The following ACSS2 variants were observed in gnomAD, a reference collection of about 807,000 sequenced individuals.
The protein encoded by ACSS2 is acetyl-coenzyme A synthetase, cytoplasmic.
ACSS2 carries 58 observed loss-of-function variants against 90.6 expected under a neutral mutation model. The observed-to-expected ratio is 0.64, with a 90% confidence interval of 0.52 to 0.80. The LOEUF is 0.80. Among genes scored for constraint, ACSS2 ranks in the 30% least tolerant of loss-of-function variants. The pLI is 0.00. For missense variants in ACSS2, 759 were observed against 912.0 expected, an observed-to-expected ratio of 0.83 and a Z score of 2.16; for synonymous variants, 300 against 330.9, an observed-to-expected ratio of 0.91 and a Z score of 1.01.
At chr20:34,917,812 G>T (rs1461988757) in intron 7 of ACSS2, among the ~76,000 whole-genome samples, 1 of 151,374 alleles carries the variant, frequency 6.6e-6, no homozygotes, top group Non-Finnish European at 1.5e-5. Context: ...AAGTACAGTG[G>T]TACGATCTCG....
intron 2 of ACSS2, among the ~76,000 whole-genome samples, chr20:34,899,466 C>CCTTCCTTCCTTCCTTCCTTT (rs1601322201): frequency 7.3e-6 from 1 of 136,288 alleles, no homozygotes; most frequent in African/African-American, 2.7e-5. Flanking sequence ...TTCCTTCCTT[C>CCTTCCTTCCTTCCTTCCTTT]CTTTCTTTTT....
intron 2 of ACSS2, among the ~76,000 whole-genome samples, chr20:34,894,936 T>C (rs188344768): frequency 1.3e-5 from 2 of 152,296 alleles, no homozygotes; most frequent in East Asian, 1.9e-4. Flanking sequence ...AGGATGTCGT[T>C]AGAAATCCAG....
At chr20:34,886,749 G>A (rs1021547096) in intron 2 of ACSS2, among the ~76,000 whole-genome samples, 2 of 152,056 alleles carry the variant, frequency 1.3e-5, no homozygotes, top group South Asian at 4.1e-4. Context: ...TCCTCCCAAA[G>A]TTCTCCCTCT....
intron 2 of ACSS2, among the ~76,000 whole-genome samples, chr20:34,887,473 C>T (rs1368294849): frequency 6.6e-6 from 1 of 152,254 alleles, no homozygotes; most frequent in Non-Finnish European, 1.5e-5. Flanking sequence ...GGCACAATGG[C>T]TCATGCCTGT....
In ACSS2 at chr20:34,923,017, T is replaced by C. The variant is rs148843221; in HGVS notation, c.1549-306T>C. 9.8e-4 allele frequency: 236 copies of C among 240,140 alleles called. 3 individuals are homozygous for C. The highest frequency in any genetic ancestry group is 5.2e-3 in the Admixed American group (109 of 20,862). The allele number at this position is 240,140 out of a possible 1,614,324, so 14.9% of individuals were successfully genotyped here. A position where few individuals can be genotyped will look rare whatever the true frequency, so the allele number is the denominator to read the frequency against. ...GAGACACAAATTTACTAAACACTTA[T>C]CAATAATAGAACACCGTGCTAGGCA... is the stretch of plus-strand genomic sequence containing the variant. On this transcript the variant is annotated intron_variant, in intron 13 of 17. Coordinates refer to ENST00000360596, the MANE Select transcript of ACSS2 (RefSeq NM_018677.4).
At chr20:34,883,081 T>G (rs2080105392) in intron 2 of ACSS2, 92 bp downstream of exon 2, 1 of 959,004 alleles carries the variant, frequency 1.0e-6, no homozygotes, top group Non-Finnish European at 1.5e-6. Context: ...GTCATCAACT[T>G]AATGCCTCAG....
intron 2 of ACSS2, among the ~76,000 whole-genome samples, chr20:34,892,748 A>C (rs2080364951): frequency 6.6e-6 from 1 of 152,180 alleles, no homozygotes; most frequent in African/African-American, 2.4e-5. Context: ...AGCGGTGCTG[A>C]TCTGGTTGGA....
intron 2 of ACSS2, among the ~76,000 whole-genome samples, 190 bp downstream of exon 2, chr20:34,883,179 T>A (rs1206667789): frequency 6.6e-6 from 1 of 152,186 alleles, no homozygotes; most frequent in Non-Finnish European, 1.5e-5. Context: ...AAGCCAAGTG[T>A]CCTGACTTCT....
chr20:34,913,732 A>G, intron 4 of ACSS2, 21 bp from the exon 5 acceptor site: 1 of 1,611,622 alleles, frequency 6.2e-7, no homozygotes, highest in Non-Finnish European at 8.5e-7. Context: ...TCTCTCCCTC[A>G]GACTTTCTTC....
upstream of ACSS2, chr20:34,875,064 T>A (rs752743440): frequency 1.9e-6 from 1 of 534,678 alleles, no homozygotes; most frequent in Non-Finnish European, 3.8e-6. Context: ...GTTAGATATT[T>A]AAGAATCCTT....
At chr20:34,921,957 T>C in intron 13 of ACSS2, 91 bp downstream of exon 13, 1 of 1,527,372 alleles carries the variant, frequency 6.5e-7, no homozygotes. Context: ...TAATCTCTCC[T>C]GGTAGCTGCT....
chr20:34,895,059 T>G (rs1017318284), intron 2 of ACSS2, among the ~76,000 whole-genome samples: 22 of 152,290 alleles, frequency 1.4e-4, no homozygotes, highest in Middle Eastern at 3.4e-3. Flanking sequence ...AGGGACAAAG[T>G]ACCATTGAAA....
chr20:34,891,026 C>A (rs373123334), intron 2 of ACSS2, among the ~76,000 whole-genome samples: 1 of 151,304 alleles, frequency 6.6e-6, no homozygotes, highest in East Asian at 1.9e-4. Flanking sequence ...AATTTAGAGT[C>A]CCTGGACATG....
intron 7 of ACSS2, among the ~76,000 whole-genome samples, chr20:34,917,478 C>T (rs555494195): frequency 1.1e-3 from 165 of 152,180 alleles, no homozygotes; most frequent in Non-Finnish European, 1.6e-3. Flanking sequence ...ACAGAAAGAA[C>T]GGAGTGGTTA....
At chr20:34,915,408 G>C (rs887137430) in intron 7 of ACSS2, among the ~76,000 whole-genome samples, 5 of 152,136 alleles carry the variant, frequency 3.3e-5, no homozygotes, top group Non-Finnish European at 7.3e-5. Flanking sequence ...GCCACTGAAG[G>C]GTGGTGAAAT....
chr20:34,891,860 T>C (rs141894127), intron 2 of ACSS2, among the ~76,000 whole-genome samples: 97 of 152,308 alleles, frequency 6.4e-4, no homozygotes, highest in African/African-American at 2.1e-3. Context: ...TTTTTGGAAG[T>C]AGGTGGCATA....
intron 2 of ACSS2, among the ~76,000 whole-genome samples, chr20:34,883,679 T>C (rs932718012): frequency 6.6e-6 from 1 of 152,214 alleles, no homozygotes; most frequent in African/African-American, 2.4e-5. Context: ...TGAAGGGTTA[T>C]GTAGTGAATA....
chr20:34,919,723 C>T, intron 8 of ACSS2, 151 bp downstream of exon 8: 1 of 1,234,296 alleles, frequency 8.1e-7, no homozygotes, highest in South Asian at 1.5e-5. Context: ...TTTTCTAAAT[C>T]AAATTAAGAC....
intron 2 of ACSS2, among the ~76,000 whole-genome samples, chr20:34,901,350 C>T (rs1422904674): frequency 2.0e-5 from 3 of 152,160 alleles, no homozygotes; most frequent in Non-Finnish European, 4.4e-5. Flanking sequence ...CCCACCTCGG[C>T]CCCTAAAGTG....
Sources: allele counts gnomAD v4.1 joint callset (sites outside exome capture counted in the v4.1 genomes callset), GRCh38; gene constraint gnomAD v4.1.1; transcripts MANE v1.5; gene names NCBI Gene and HGNC (gene_info 2026-07-23, HGNC 2026-07-21).